ADAT1: variants seen among roughly 807,000 people sequenced by gnomAD.
The protein encoded by ADAT1 is adenosine deaminase tRNA specific 1.
A neutral mutation model predicts 58.6 loss-of-function variants in ADAT1; 58 were observed. The observed-to-expected ratio is 0.99, with a 90% CI of 0.80 to 1.23. The LOEUF (loss-of-function observed/expected upper bound fraction) is 1.23. Among genes scored for constraint, ADAT1 ranks in the 50% most tolerant of loss-of-function variants. The pLI is 0.00. For synonymous variants in ADAT1, 254 were observed against 220.8 expected, an observed-to-expected ratio of 1.15 and a Z score of -1.33; for missense variants, 741 against 608.6, an observed-to-expected ratio of 1.22 and a Z score of -2.29.
In ADAT1 at chr16:75,598,805, C is replaced by T; in HGVS notation, c.*1411G>A. On this transcript the variant is annotated 3_prime_UTR_variant, in exon 10 of 10. Transcript: ENST00000564657. ...AAGTGTTGGAATTACAGGCGTAAGC[C>T]ACCGTGCCCGGCCTAAAAACTTTTA... 2 of 799,112 alleles carry T rather than the reference C, an allele frequency of 2.5e-6. No individual in the cohort carries two copies. The highest frequency in any genetic ancestry group is 3.0e-6 in the Non-Finnish European group (2 of 660,104). The allele number at this position is 799,112 out of a possible 1,614,324, so 49.5% of individuals were successfully genotyped here. A position where few individuals can be genotyped will look rare whatever the true frequency, so the allele number is the denominator to read the frequency against.
intron 4 of ADAT1, 40 bp from the exon 5 acceptor site, chr16:75,617,312 T>C (rs781070872): frequency 6.3e-7 from 1 of 1,597,296 alleles, no homozygotes; most frequent in South Asian, 1.1e-5. Context: ...ACAACCGATC[T>C]CTGTGGTAAG....
In ADAT1 at chr16:75,612,636, C is replaced by T; in HGVS notation, c.650G>A (p.Ser217Asn). The T allele has an allele frequency of 1.2e-6, 2 of 1,614,128 alleles. No homozygotes were observed. The highest frequency in any genetic ancestry group is 1.7e-6 in the Non-Finnish European group (2 of 1,180,030). Residue 217 changes from serine to asparagine, a missense_variant, in exon 6 of 10, where the codon AGT becomes AAT. By Grantham distance (46) the Ser-to-Asn change is conservative. Transcript: ENST00000564657. ...EVTNGAAHHQSFGKQKSGPIS... is the reference protein window; with the variant it reads ...EVTNGAAHHQNFGKQKSGPIS... ...TGGGCCACTTTTCTGCTTGCCAAAA[C>T]TCTGATGGTGAGCTGCTCCGTTGGT...
intron 5 of ADAT1, among the ~76,000 whole-genome samples, chr16:75,613,560 C>T (rs1398370750): frequency 6.6e-6 from 1 of 152,176 alleles, no homozygotes; most frequent in African/African-American, 2.4e-5. Context: ...ATCCGCCCAC[C>T]TTGGCCTCCC....
In ADAT1 at chr16:75,612,620, T is replaced by C. The variant is rs769639759; in HGVS notation, c.666A>G (p.Lys222=). ...GGATGCCTGGTGAGATTGGGCCACT[T>C]TTCTGCTTGCCAAAACTCTGATGGT... The part of the protein sequence containing the change: ...AAHHQSFGKQ[K]SGPISPGIHS... The change falls in exon 6 of 10, where the codon AAA becomes AAG. Residue 222 remains lysine (K), a synonymous_variant. Transcript: ENST00000564657. 5 of 1,613,944 alleles carry C rather than the reference T, an allele frequency of 3.1e-6. No homozygotes were observed. Among genetic ancestry groups the C allele is most frequent in the African/African-American group, 2.7e-5 (2 of 74,910 alleles).
rs1009259507 is a variant in ADAT1, at chr16:75,620,391, C to G, written c.170-57G>C. On this transcript the variant is annotated intron_variant, in intron 2 of 9. Transcript: ENST00000564657. ...GAGAAACGGAATGTTCCCCGGTGTT[C>G]AGGTGTGATCAGCCTGCACACTCCT... is the stretch of plus-strand genomic sequence containing the variant. The G allele has an allele frequency of 3.2e-6, 5 of 1,577,978 alleles. No homozygotes were observed. In the Admixed American group the frequency reaches 6.7e-5, roughly 21 times the overall value.
intron 4 of ADAT1, 77 bp downstream of exon 4, chr16:75,618,509 C>CA (rs535021597): frequency 0.11 from 88,766 of 774,088 alleles, no homozygotes; most frequent in Non-Finnish European, 0.14. Flanking sequence ...CTGTCCCCCC[C>CA]AAAAAAAAAA....
At position 75,612,238 on chromosome 16, in the gene ADAT1, C is replaced by A; in HGVS notation, c.1043+5G>T. ...GTTCCAATTGAGCCCTCCCTACCCT[C>A]TCACCTTCCAATCAGTGCTCTCTGC... On this transcript the variant is annotated splice_donor_5th_base_variant and intron_variant, in intron 6 of 9. Coordinates refer to ENST00000564657, the MANE Select transcript of ADAT1 (RefSeq NM_001324445.2). 1 of 1,612,596 alleles carries A rather than the reference C, an allele frequency of 6.2e-7. No individual in the cohort carries two copies. The highest frequency in any genetic ancestry group is 8.5e-7 in the Non-Finnish European group (1 of 1,178,902).
intron 9 of ADAT1, chr16:75,602,137 A>G (rs967796402): frequency 2.6e-5 from 4 of 152,262 alleles, no homozygotes; most frequent in East Asian, 1.9e-4. Context: ...GAGACACGTG[A>G]TATCAGTTTG....
At position 75,617,251 on chromosome 16, in the gene ADAT1, C is replaced by A. The variant is rs746290396; in HGVS notation, c.315G>T (p.Gln105His). The change falls in exon 5 of 10, where the codon CAG becomes CAT. Residue 105 changes from glutamine (Q) to histidine (H), a missense_variant. Transcript: ENST00000564657. ...TATCCTCTTTCAGGGTGGCTGCCAA[C>A]TGGAGTTGGTGGAGAAGGTACCTAA... ...SFQRYLLHQL[Q>H]LAATLKEDSI... 98 of 1,613,352 alleles carry A rather than the reference C, an allele frequency of 6.1e-5. No homozygotes were observed. The highest frequency in any genetic ancestry group is 1.6e-5 in the Non-Finnish European group (19 of 1,179,484).
chr16:75,606,054 G>A (rs1008272332), intron 8 of ADAT1, among the ~76,000 whole-genome samples: 27 of 150,130 alleles, frequency 1.8e-4, no homozygotes, highest in African/African-American at 6.3e-4. Context: ...TAGAGATTGG[G>A]GGGGGGGTCT....
chr16:75,613,373 C>A (rs2081609390), intron 5 of ADAT1, among the ~76,000 whole-genome samples: 1 of 152,180 alleles, frequency 6.6e-6, no homozygotes. Context: ...GTGATCTCTG[C>A]TCACTGCAAT....
At chr16:75,610,842 T>G (rs992504202) in intron 6 of ADAT1, among the ~76,000 whole-genome samples, 29 of 152,280 alleles carry the variant, frequency 1.9e-4, no homozygotes, top group Non-Finnish European at 3.7e-4. Context: ...CTGGGTGAGG[T>G]GGCTCACACC....
chr16:75,608,918 G>A lies in ADAT1; in HGVS notation c.1114C>T (p.Leu372=). 1 of 1,614,206 alleles carries A rather than the reference G, an allele frequency of 6.2e-7. No individual in the cohort carries two copies. The highest frequency in any genetic ancestry group is 1.3e-5 in the African/African-American group (1 of 75,056). The change falls in exon 7 of 10, where the codon CTA becomes TTA. Residue 372 remains leucine (L), a synonymous_variant. Coordinates refer to ENST00000564657, the MANE Select transcript of ADAT1 (RefSeq NM_001324445.2). ...QELKILQSDL[L]FEQSRSAVQA... is the part of the protein sequence containing the mutation. ...ACCGCACTGCGGCTCTGTTCAAATA[G>A]TAAATCTGACTGCAGTATTTTTAAT...
chr16:75,616,991 T>C, intron 5 of ADAT1, 151 bp downstream of exon 5: 1 of 903,896 alleles, frequency 1.1e-6, no homozygotes, highest in Non-Finnish European at 1.6e-6. Context: ...TAGCCTGTCA[T>C]AAAAAGGCAC....
At position 75,620,769 on chromosome 16, in the gene ADAT1, A is replaced by G; in HGVS notation, c.31T>C (p.Cys11Arg). ...AGCCTGATCCCATAGTGTTCATAGC[A>G]TAGCTGAGCAATCTCATCCGCGGTC... is the stretch of plus-strand genomic sequence containing the variant. MWTADEIAQLCYEHYGIRLPK... is the reference protein window; with the variant it reads MWTADEIAQLRYEHYGIRLPK... The change falls in exon 2 of 10, where the codon TGC becomes CGC. Residue 11 changes from cysteine to arginine, a missense_variant. Physicochemically the swap from Cys to Arg is radical, Grantham distance 180 (BLOSUM62 -3). Coordinates refer to ENST00000564657, the MANE Select transcript of ADAT1 (RefSeq NM_001324445.2). 6.2e-7 allele frequency: 1 copy of G among 1,613,880 alleles called. No individual in the cohort carries two copies. The highest frequency in any genetic ancestry group is 8.5e-7 in the Non-Finnish European group (1 of 1,179,806).
chr16:75,600,327 G>C lies in ADAT1; in HGVS notation c.1398C>G (p.Tyr466Ter). 6.2e-7 allele frequency: 1 copy of C among 1,613,868 alleles called. No individual in the cohort carries two copies. The change falls in exon 10 of 10, where the codon TAC becomes TAG. Residue 466 changes from tyrosine (Y) to a stop codon, truncating the protein, a stop_gained. Coordinates refer to ENST00000564657, the MANE Select transcript of ADAT1 (RefSeq NM_001324445.2). LOFTEE classifies it high-confidence loss of function. Reference protein sequence around the residue: ...HSLRVQKLDTYQEYKEAASSY... With the variant: ...HSLRVQKLDT ...AGGACGCAGCCTCCTTGTACTCCTG[G>C]TAGGTATCCAGCTTCTGCACCCTAA...
intron 9 of ADAT1, among the ~76,000 whole-genome samples, chr16:75,600,588 T>C (rs1168996906): frequency 1.3e-5 from 2 of 152,222 alleles, no homozygotes; most frequent in African/African-American, 2.4e-5. Context: ...GCTCCAAGAA[T>C]GCATTCTCTG....
Position 75,597,964 on chromosome 16 carries a change from T to G in ADAT1, c.*2252A>C, listed in dbSNP as rs1228130993. On this transcript the variant is annotated 3_prime_UTR_variant, in exon 10 of 10. Transcript: ENST00000564657. The stretch of plus-strand genomic sequence containing the variant: ...TTCCTGACAGGCCACAGACAAGTAA[T>G]GGTCTGTGGCTCTGGGGCTGGGGGC... 6.6e-6 allele frequency among the ~76,000 whole-genome samples: 1 copy of G among 152,228 alleles called. No homozygotes were observed. The highest frequency in any genetic ancestry group is 6.5e-5 in the Admixed American group (1 of 15,286).
chr16:75,616,749 C>A (rs368521078), intron 5 of ADAT1, among the ~76,000 whole-genome samples: 1 of 152,162 alleles, frequency 6.6e-6, no homozygotes, highest in South Asian at 2.1e-4. Flanking sequence ...TATGTCATAT[C>A]GTGCCTGACA....
Sources: allele counts gnomAD v4.1 joint callset (sites outside exome capture counted in the v4.1 genomes callset), GRCh38; gene constraint gnomAD v4.1.1; transcripts MANE v1.5; gene names NCBI Gene and HGNC (gene_info 2026-07-23, HGNC 2026-07-21).